The following KRT2 variants were observed in gnomAD, a reference collection of about 807,000 sequenced individuals.
KRT2 encodes keratin 2, also known as keratin, type II cytoskeletal 2 epidermal.
KRT2 carries 37 observed loss-of-function variants against 48.5 expected under a neutral mutation model. The ratio of observed to expected loss-of-function variants is 0.76; its 90% confidence interval spans 0.59 to 1.00. The LOEUF is 1.00. KRT2 is among the 50% of genes least tolerant of loss of function. KRT2 has a pLI of 0.00. For missense variants in KRT2, 880 were observed against 815.2 expected (o/e 1.08, Z -0.97); for synonymous variants, 324 against 312.2 (o/e 1.04, Z -0.40).
In KRT2 at chr12:52,650,369, A is replaced by G. The variant is rs1565640246; in HGVS notation, c.770T>C (p.Met257Thr). 2 of 1,614,192 alleles carry G rather than the reference A, an allele frequency of 1.2e-6. No individual in the cohort carries two copies. The highest frequency in any genetic ancestry group is 1.7e-6 in the Non-Finnish European group (2 of 1,180,004). ...RTSQNSELNN[M>T]QDLVEDYKKK... ...CTTATAATCCTCCACAAGATCCTGC[A>G]TGTTATTCAGCTCTGAATTCTGTGA... Residue 257 changes from methionine to threonine, a missense_variant, in exon 2 of 9, where the codon ATG becomes ACG. Transcript: ENST00000309680.
chr12:52,651,574 G>T lies in KRT2; in HGVS notation c.569C>A (p.Ala190Asp). ...CAGAGTCACCTTGTCAATGAAGGAG[G>T]CAAATTTGTTGTTGAGAGTTTTGAT... ...EQIKTLNNKF[A>D]SFIDKVRFLE... Residue 190 changes from alanine to aspartate, a missense_variant, in exon 1 of 9, where the codon GCC becomes GAC. Coordinates refer to ENST00000309680, the MANE Select transcript of KRT2 (RefSeq NM_000423.3). 6.2e-7 allele frequency: 1 copy of T among 1,613,588 alleles called. No homozygotes were observed. The highest frequency in any genetic ancestry group is 8.5e-7 in the Non-Finnish European group (1 of 1,179,540).
In KRT2 at chr12:52,650,386, A is replaced by C. The variant is rs772320148; in HGVS notation, c.753T>G (p.Asn251Lys). ...GATCCTGCATGTTATTCAGCTCTGA[A>C]TTCTGTGATGTTCTTTCTGCAGTGA... ...DGLTAERTSQ[N>K]SELNNMQDLV... Residue 251 changes from asparagine (N) to lysine (K), a missense_variant, in exon 2 of 9, where the codon AAT becomes AAG. By Grantham distance (94) the Asn-to-Lys change is moderately conservative (BLOSUM62 0). Coordinates refer to ENST00000309680, the MANE Select transcript of KRT2 (RefSeq NM_000423.3). The C allele has an allele frequency of 6.2e-6, 10 of 1,614,090 alleles. No homozygotes were observed. The highest frequency in any genetic ancestry group is 1.3e-5 in the African/African-American group (1 of 74,938).
At chr12:52,649,422 C>T (rs1042680140) in intron 3 of KRT2, among the ~76,000 whole-genome samples, 10 of 152,120 alleles carry the variant, frequency 6.6e-5, no homozygotes, top group African/African-American at 2.4e-4. Context: ...TGTGGGTTTC[C>T]ACAGTCCTCA....
Position 52,651,919 on chromosome 12 carries a change from C to T in KRT2, c.224G>A (p.Ser75Asn), listed in dbSNP as rs1181021660. ...AAAGCCACCACCTCCTCCAGCCACA[C>T]TAATGGAGATGCTCTTGGTCCCTCC... Reference protein sequence around the residue: ...GLGGTKSISISVAGGGGGFGA... With the variant: ...GLGGTKSISINVAGGGGGFGA... The change falls in exon 1 of 9, where the codon AGT (serine) becomes AAT (asparagine). Residue 75 changes from serine (S) to asparagine (N), a missense_variant. Ser to Asn is a conservative substitution (Grantham distance 46). Coordinates refer to ENST00000309680, the MANE Select transcript of KRT2 (RefSeq NM_000423.3). 6.2e-7 allele frequency: 1 copy of T among 1,613,932 alleles called. No individual in the cohort carries two copies. The highest frequency in any genetic ancestry group is 8.5e-7 in the Non-Finnish European group (1 of 1,179,974).
In KRT2 at chr12:52,651,812, C is replaced by T. The variant is rs1243502300; in HGVS notation, c.331G>A (p.Gly111Ser). Residue 111 changes from glycine to serine, a missense_variant, in exon 1 of 9, where the codon GGT becomes AGT. By Grantham distance (56) the Gly-to-Ser change is moderately conservative. Coordinates refer to ENST00000309680, the MANE Select transcript of KRT2 (RefSeq NM_000423.3). ...SFGGGSGFSG[G>S]GFGGGGFGGG... ...CCAAAGCCGCCTCCACCGAAACCACCACCACTGAAGCCGCTGCCACCTCCA... is the reference window on the plus strand; with the variant it reads ...CCAAAGCCGCCTCCACCGAAACCACTACCACTGAAGCCGCTGCCACCTCCA... The T allele has an allele frequency of 1.9e-6, 3 of 1,605,320 alleles. No individual in the cohort carries two copies. The African/African-American group carries it at 4.0e-5, about 22-fold the overall frequency.
At chr12:52,650,585 C>A (rs781555645) in intron 1 of KRT2, 32 bp from the exon 2 acceptor site, 1 of 1,576,628 alleles carries the variant, frequency 6.3e-7, no homozygotes, top group South Asian at 1.1e-5. Context: ...CACATGAGTT[C>A]TAGATCATCC....
intron 7 of KRT2, 46 bp downstream of exon 7, chr12:52,646,694 T>G (rs750634207): frequency 6.2e-7 from 1 of 1,603,918 alleles, no homozygotes; most frequent in Non-Finnish European, 8.5e-7. Flanking sequence ...CTGGGAGAGA[T>G]GAGAGGAAGG....
chr12:52,650,014 C>T (rs1941225025), intron 2 of KRT2, 40 bp from the exon 3 acceptor site: 2 of 1,500,970 alleles, frequency 1.3e-6, no homozygotes, highest in Non-Finnish European at 1.9e-6. Context: ...GATTAGTTCC[C>T]CTTCATTTTT....
chr12:52,650,340 T>G lies in KRT2; in HGVS notation c.799A>C (p.Lys267Gln), dbSNP rs140362470. 43 of 1,613,300 alleles carry G rather than the reference T, an allele frequency of 2.7e-5. No individual in the cohort carries two copies. The highest frequency in any genetic ancestry group is 3.2e-5 in the Non-Finnish European group (38 of 1,179,384). The change falls in exon 2 of 9, where the codon AAG (lysine) becomes CAG (glutamine). Residue 267 changes from lysine (K) to glutamine (Q), a missense_variant and splice_region_variant. Lys to Gln is a moderately conservative substitution (Grantham distance 53). Coordinates refer to ENST00000309680, the MANE Select transcript of KRT2 (RefSeq NM_000423.3). ...TCAGCGTTTCACTCTGCCACCTACTTCTTCTTATAATCCTCCACAAGATCC... is the reference window on the plus strand; with the variant it reads ...TCAGCGTTTCACTCTGCCACCTACTGCTTCTTATAATCCTCCACAAGATCC... The part of the protein sequence containing the change: ...MQDLVEDYKK[K>Q]YEDEINKRTA...
Position 52,651,821 on chromosome 12 carries a change from A to G in KRT2, c.322T>C (p.Phe108Leu). Residue 108 changes from phenylalanine to leucine, a missense_variant, in exon 1 of 9, where the codon TTC becomes CTC. Transcript: ENST00000309680. ...GGSSFGGGSG[F>L]SGGGFGGGGF... is the part of the protein sequence containing the mutation. ...CCTCCACCGAAACCACCACCACTGA[A>G]GCCGCTGCCACCTCCAAAGCTGCTG... The G allele has an allele frequency of 1.9e-6, 3 of 1,600,718 alleles. No individual in the cohort carries two copies. The highest frequency in any genetic ancestry group is 2.3e-5 in the East Asian group (1 of 44,010).
chr12:52,649,545 C>G (rs1182824113), intron 3 of KRT2, among the ~76,000 whole-genome samples: 1 of 152,192 alleles, frequency 6.6e-6, no homozygotes, highest in Admixed American at 6.5e-5. Context: ...CAACCTCAAA[C>G]CTTTGTCAGC....
At chr12:52,645,671 AAGC>A (rs1164034307) in intron 7 of KRT2, 102 bp from the exon 8 acceptor site, 16 of 1,218,732 alleles carry the variant, frequency 1.3e-5, no homozygotes, top group Non-Finnish European at 1.9e-5. Flanking sequence ...TAGCCTCTCT[AAGC>A]AGCCACCAGG....
intron 2 of KRT2, 128 bp from the exon 3 acceptor site, chr12:52,650,102 T>C: frequency 1.2e-6 from 1 of 806,612 alleles, no homozygotes; most frequent in Non-Finnish European, 2.1e-6. Flanking sequence ...AATATCTAAA[T>C]TGAAACTAAG....
Position 52,651,844 on chromosome 12 carries a change from C to T in KRT2, c.299G>A (p.Ser100Asn). ...GAAGCCGCTGCCACCTCCAAAGCTGCTGCCGCCTCCAAAACCACCTCCTCT... is the reference window on the plus strand; with the variant it reads ...GAAGCCGCTGCCACCTCCAAAGCTGTTGCCGCCTCCAAAACCACCTCCTCT... ...GGRGGGFGGG[S>N]SFGGGSGFSG... The change falls in exon 1 of 9, where the codon AGC (serine) becomes AAC (asparagine). Residue 100 changes from serine to asparagine, a missense_variant. Ser to Asn is a conservative substitution (Grantham distance 46). Transcript: ENST00000309680. 1 of 1,603,242 alleles carries T rather than the reference C, an allele frequency of 6.2e-7. No homozygotes were observed. Among genetic ancestry groups the T allele is most frequent in the Non-Finnish European group, 8.5e-7 (1 of 1,173,666 alleles).
rs886947541 is a variant in KRT2, at chr12:52,647,712, G to T, written c.1248+18C>A. The T allele has an allele frequency of 1.9e-6, 3 of 1,613,174 alleles. No homozygotes were observed. The highest frequency in any genetic ancestry group is 2.7e-5 in the African/African-American group (2 of 74,872). Reference sequence around the variant, plus strand: ...AGAGACAACCTCCCGCCCCTCGCTGGACAGGGCTGGGCCTCACCTGCTTCT... The same window carrying T: ...AGAGACAACCTCCCGCCCCTCGCTGTACAGGGCTGGGCCTCACCTGCTTCT... On this transcript the variant is annotated intron_variant, in intron 6 of 8. Coordinates refer to ENST00000309680, the MANE Select transcript of KRT2 (RefSeq NM_000423.3).
chr12:52,644,670 G>C lies in KRT2; in HGVS notation c.*349C>G. 2.8e-6 allele frequency: 1 copy of C among 361,196 alleles called. No homozygotes were observed. Among genetic ancestry groups the C allele is most frequent in the Non-Finnish European group, 5.2e-6 (1 of 194,000 alleles). The allele number at this position is 361,196 out of a possible 1,614,324, so 22.4% of individuals were successfully genotyped here. ...ACACATTTCCCCCCAGCACTGCCAG[G>C]CTTAGAGATGAAATCCCTGGATGGG... On this transcript the variant is annotated 3_prime_UTR_variant, in exon 9 of 9. Coordinates refer to ENST00000309680, the MANE Select transcript of KRT2 (RefSeq NM_000423.3).
At chr12:52,649,687 C>G (rs1204913020) in intron 3 of KRT2, among the ~76,000 whole-genome samples, 5 of 152,204 alleles carry the variant, frequency 3.3e-5, no homozygotes, top group Admixed American at 3.3e-4. Context: ...AAGTGGGTTA[C>G]TACTGGGAAG....
intron 2 of KRT2, among the ~76,000 whole-genome samples, 155 bp downstream of exon 2, chr12:52,650,184 T>C (rs1182839583): frequency 2.6e-5 from 4 of 152,198 alleles, no homozygotes; most frequent in Non-Finnish European, 1.5e-5. Flanking sequence ...ATCTCTAAAG[T>C]CTCACTGTCT....
At chr12:52,651,506 C>T in intron 1 of KRT2, 52 bp downstream of exon 1, 1 of 1,354,458 alleles carries the variant, frequency 7.4e-7, no homozygotes, top group Non-Finnish European at 1.1e-6. Context: ...TTGGTTGGCT[C>T]TGGAAGTGAA....
Sources: gnomAD v4.1 joint callset for allele counts (sites outside exome capture counted in the v4.1 genomes callset) on GRCh38, gnomAD v4.1.1 for gene constraint, MANE v1.5 for transcripts, NCBI Gene and HGNC (gene_info 2026-07-23, HGNC 2026-07-21) for gene names.